The following PTPRD variants were observed in gnomAD, a reference collection of about 807,000 sequenced individuals.
PTPRD encodes the protein receptor-type tyrosine-protein phosphatase delta.
A neutral mutation model predicts 214.5 loss-of-function variants in PTPRD; 34 were observed. The ratio of observed to expected loss-of-function variants is 0.16; its 90% CI spans 0.12 to 0.21. The LOEUF (loss-of-function observed/expected upper bound fraction) is 0.21. Ranked by LOEUF, PTPRD falls within the 10% of genes least tolerant of loss-of-function variation. The probability of loss-of-function intolerance (pLI) is 1.00; values close to 1 mark genes in which losing one functional copy is unlikely to be tolerated. For missense variants in PTPRD, 2,545 were observed against 2,398.7 expected, an observed-to-expected ratio of 1.06 and a Z score of -1.27; for synonymous variants, 1,128 against 845.7, an observed-to-expected ratio of 1.33 and a Z score of -5.79.
Position 9,727,109 on chromosome 9 carries a change from T to C in PTPRD, c.-287+7424A>G, listed in dbSNP as rs148019191. Among the ~76,000 whole-genome samples, 254 of 152,238 alleles carry C rather than the reference T, an allele frequency of 1.7e-3. 1 individual carries two copies. Among genetic ancestry groups the C allele is most frequent in the African/African-American group, 5.7e-3 (237 of 41,538 alleles). On this transcript the variant is annotated intron_variant, in intron 7 of 45. Transcript: ENST00000381196. ...TGCTTAATTAACCACAAAACGTTCT[T>C]TCAATGTATTAGCAATATGATAGAT...
intron 8 of PTPRD, among the ~76,000 whole-genome samples, chr9:9,564,172 G>T (rs1212324920): frequency 6.6e-6 from 1 of 152,120 alleles, no homozygotes; most frequent in East Asian, 1.9e-4. Flanking sequence ...GCTTTTTAAA[G>T]TTTAAGTACC....
At chr9:9,902,445 A>G (rs1219443701) in intron 5 of PTPRD, among the ~76,000 whole-genome samples, 1 of 152,136 alleles carries the variant, frequency 6.6e-6, no homozygotes, top group Non-Finnish European at 1.5e-5. Flanking sequence ...ATAATCATAT[A>G]CCAATCACTA....
intron 3 of PTPRD, among the ~76,000 whole-genome samples, chr9:10,182,449 G>C (rs1385189904): frequency 1.3e-5 from 2 of 151,708 alleles, no homozygotes; most frequent in East Asian, 3.9e-4. Context: ...AAATAGGGGA[G>C]ATCAAATTGA....
At chr9:9,946,794 T>C (rs2092622430) in intron 4 of PTPRD, among the ~76,000 whole-genome samples, 1 of 152,074 alleles carries the variant, frequency 6.6e-6, no homozygotes, top group Non-Finnish European at 1.5e-5. Context: ...GCCTAAAATA[T>C]CAAGGGATTT....
chr9:9,507,852 GC>G (rs2096606368), intron 8 of PTPRD, among the ~76,000 whole-genome samples: 1 of 151,394 alleles, frequency 6.6e-6, no homozygotes, highest in Non-Finnish European at 1.5e-5. Flanking sequence ...TCTCGACTGT[GC>G]CTTCATAAAC....
intron 7 of PTPRD, among the ~76,000 whole-genome samples, chr9:9,730,289 G>A (rs749849964): frequency 2.0e-5 from 3 of 151,968 alleles, no homozygotes; most frequent in Admixed American, 6.6e-5. Context: ...AATTCAGGAC[G>A]GCCAAACTTG....
chr9:8,815,446 A>G (rs2096900993), intron 11 of PTPRD, among the ~76,000 whole-genome samples: 1 of 152,198 alleles, frequency 6.6e-6, no homozygotes, highest in South Asian at 2.1e-4. Context: ...ATTTCAGGCA[A>G]CTCAGATGAA....
Position 9,454,066 on chromosome 9 carries a change from C to T in PTPRD, c.-236-56584G>A, listed in dbSNP as rs139477086. Among the ~76,000 whole-genome samples, 13 of 151,384 alleles carry T rather than the reference C, an allele frequency of 8.6e-5. No individual in the cohort carries two copies. In the East Asian group the frequency reaches 9.7e-4, roughly 11 times the overall value. Reference sequence around the variant, plus strand: ...ATTTATATTTCCTGAAAGAATTTCACGACAGATTCTTACAGAAAAAAAAGT... The same window carrying T: ...ATTTATATTTCCTGAAAGAATTTCATGACAGATTCTTACAGAAAAAAAAGT... On this transcript the variant is annotated intron_variant, in intron 8 of 45. Transcript: ENST00000381196.
chr9:8,714,304 T>TG lies in PTPRD; in HGVS notation c.64+19475dup, dbSNP rs150108902. On this transcript the variant is annotated intron_variant, in intron 12 of 45. Transcript: ENST00000381196. ...TTACCTTTCCCCTTTAACAGCTTAT[T>TG]GGGTTTTTTTTTGTTTTGTTTTGTT... is the stretch of plus-strand genomic sequence containing the variant. Among the ~76,000 whole-genome samples, 464 of 117,618 alleles carry TG rather than the reference T, an allele frequency of 3.9e-3. 3 individuals carry two copies. Among genetic ancestry groups the TG allele is most frequent in the African/African-American group, 0.013 (435 of 32,846 alleles). 77.2% of individuals were successfully genotyped at this position (117,618 alleles called of 152,430 possible).
intron 3 of PTPRD, among the ~76,000 whole-genome samples, chr9:10,168,312 G>C (rs981293714): frequency 1.3e-5 from 2 of 151,946 alleles, no homozygotes; most frequent in African/African-American, 4.8e-5. Context: ...AGATGTAAAA[G>C]ATCTGCTATT....
intron 3 of PTPRD, among the ~76,000 whole-genome samples, chr9:10,092,569 CA>C (rs2098443175): frequency 6.6e-6 from 1 of 151,188 alleles, no homozygotes; most frequent in South Asian, 2.1e-4. Context: ...TTATTCCTTT[CA>C]AAATACAATG....
chr9:9,670,821 T>C (rs2096817091), intron 7 of PTPRD, among the ~76,000 whole-genome samples: 1 of 152,042 alleles, frequency 6.6e-6, no homozygotes, highest in South Asian at 2.1e-4. Flanking sequence ...TTTCAGAAGA[T>C]ATATGGAAAT....
At chr9:10,466,368 A>C (rs1174892449) in intron 2 of PTPRD, among the ~76,000 whole-genome samples, 3 of 152,122 alleles carry the variant, frequency 2.0e-5, no homozygotes, top group Admixed American at 6.5e-5. Flanking sequence ...TGATGCCTGT[A>C]ATCTCAGCAC....
intron 12 of PTPRD, among the ~76,000 whole-genome samples, chr9:8,705,755 T>A (rs1315888235): frequency 6.6e-6 from 1 of 152,216 alleles, no homozygotes; most frequent in Non-Finnish European, 1.5e-5. Context: ...ATGTATCACA[T>A]GTTTATTACT....
chr9:9,933,797 A>G (rs1156879554), intron 5 of PTPRD, among the ~76,000 whole-genome samples: 4 of 149,494 alleles, frequency 2.7e-5, no homozygotes, highest in Non-Finnish European at 4.4e-5. Flanking sequence ...ACCACACCAC[A>G]CCTATTCCAA....
intron 8 of PTPRD, among the ~76,000 whole-genome samples, chr9:9,570,049 C>G (rs1480124026): frequency 1.3e-5 from 2 of 151,340 alleles, no homozygotes; most frequent in Admixed American, 1.3e-4. Context: ...AAAAATAACC[C>G]CACAGAACTG....
At chr9:9,498,403 G>C (rs980924510) in intron 8 of PTPRD, among the ~76,000 whole-genome samples, 3 of 152,060 alleles carry the variant, frequency 2.0e-5, no homozygotes, top group African/African-American at 4.8e-5. Flanking sequence ...TTTAAATCCA[G>C]GTTATAAACT....
At chr9:9,359,935 C>T (rs1005185769) in intron 9 of PTPRD, among the ~76,000 whole-genome samples, 1 of 151,268 alleles carries the variant, frequency 6.6e-6, no homozygotes, top group African/African-American at 2.4e-5. Flanking sequence ...TCCATTTCAA[C>T]ACAACATAAT....
intron 10 of PTPRD, among the ~76,000 whole-genome samples, chr9:9,173,578 G>C (rs1410500178): frequency 6.6e-6 from 1 of 152,038 alleles, no homozygotes; most frequent in Non-Finnish European, 1.5e-5. Context: ...TTACTCCTAG[G>C]CAACAAACCT....
Sources: allele counts gnomAD v4.1 joint callset (sites outside exome capture counted in the v4.1 genomes callset), GRCh38; gene constraint gnomAD v4.1.1; transcripts MANE v1.5; gene names NCBI Gene and HGNC (gene_info 2026-07-23, HGNC 2026-07-21).